Variants in BRWD1 observed in about 807,000 individuals in gnomAD.
The protein encoded by BRWD1 is bromodomain and WD repeat-containing protein 1.
Under a neutral mutation model 251.2 loss-of-function variants are expected in BRWD1, and 82 were observed. The ratio of observed to expected loss-of-function variants is 0.33; its 90% CI spans 0.27 to 0.39. The LOEUF (loss-of-function observed/expected upper bound fraction) is 0.39, where lower values mean the gene tolerates loss of function less well. Among genes scored for constraint, BRWD1 ranks in the 10% least tolerant of loss-of-function variants. The pLI, the probability that BRWD1 is intolerant of heterozygous loss-of-function variation, is 1.00. For missense variants in BRWD1, 2,233 were observed against 2,711.6 expected, an observed-to-expected ratio of 0.82 and a Z score of 3.92; for synonymous variants, 918 against 902.8, an observed-to-expected ratio of 1.02 and a Z score of -0.30.
At chr21:39,301,013 C>T (rs1032588137) in intron 4 of BRWD1, among the ~76,000 whole-genome samples, 1 of 152,086 alleles carries the variant, frequency 6.6e-6, no homozygotes, top group Non-Finnish European at 1.5e-5. Context: ...CCTGTCTCTA[C>T]TAAAAATACA....
upstream of BRWD1, chr21:39,314,065 G>T (rs940776187): frequency 6.6e-6 from 3 of 455,890 alleles, no homozygotes; most frequent in African/African-American, 2.0e-5. Flanking sequence ...CGCCCGCTCC[G>T]GGTCGCTCGG....
chr21:39,264,832 T>G (rs2034869277), intron 16 of BRWD1, 59 bp downstream of exon 16: 1 of 1,581,508 alleles, frequency 6.3e-7, no homozygotes, highest in Non-Finnish European at 8.6e-7. Flanking sequence ...TAACTACTTA[T>G]TTCCAAAACA....
At chr21:39,309,147 C>G (rs2146801837) in intron 4 of BRWD1, among the ~76,000 whole-genome samples, 1 of 152,052 alleles carries the variant, frequency 6.6e-6, no homozygotes, top group African/African-American at 2.4e-5. Flanking sequence ...GCACTCCAGC[C>G]TGGCGACAGA....
At chr21:39,276,963 G>A (rs957854224) in intron 11 of BRWD1, among the ~76,000 whole-genome samples, 4 of 152,014 alleles carry the variant, frequency 2.6e-5, no homozygotes, top group Non-Finnish European at 4.4e-5. Flanking sequence ...ATTGTACCTA[G>A]ACATTTTCAT....
At chr21:39,274,185 C>T (rs1023778932) in intron 13 of BRWD1, among the ~76,000 whole-genome samples, 189 bp downstream of exon 13, 1 of 152,128 alleles carries the variant, frequency 6.6e-6, no homozygotes, top group African/African-American at 2.4e-5. Context: ...GATAAATTTA[C>T]CTGGATGTCT....
At chr21:39,243,936 T>G (rs957638474) in intron 21 of BRWD1, among the ~76,000 whole-genome samples, 1 of 152,128 alleles carries the variant, frequency 6.6e-6, no homozygotes, top group African/African-American at 2.4e-5. Flanking sequence ...AAGTCTGAAA[T>G]TACATCAAAA....
intron 20 of BRWD1, among the ~76,000 whole-genome samples, chr21:39,249,733 G>A (rs2034325834): frequency 6.6e-6 from 1 of 152,030 alleles, no homozygotes; most frequent in Non-Finnish European, 1.5e-5. Context: ...ACTGATTTTG[G>A]CAAAAACTCG....
At chr21:39,306,218 C>T (rs2036283311) in intron 4 of BRWD1, among the ~76,000 whole-genome samples, 2 of 151,646 alleles carry the variant, frequency 1.3e-5, no homozygotes, top group Non-Finnish European at 2.9e-5. Context: ...TACAGGCGCC[C>T]GCCACCACGT....
At position 39,187,258 on chromosome 21, in the gene BRWD1, A is replaced by G. The variant is rs2031288805; in HGVS notation, c.*9001T>C. Reference sequence around the variant, plus strand: ...GATCGTTTCTTTTAGATTACTCATTATCTTTATTTTATTTGCAGCAACAGT... The same window carrying G: ...GATCGTTTCTTTTAGATTACTCATTGTCTTTATTTTATTTGCAGCAACAGT... On this transcript the variant is annotated 3_prime_UTR_variant, in exon 41 of 41. Coordinates refer to ENST00000342449, the MANE Select transcript of BRWD1 (RefSeq NM_033656.4). 1 of 1,613,842 alleles carries G rather than the reference A, an allele frequency of 6.2e-7. No individual in the cohort carries two copies. The highest frequency in any genetic ancestry group is 1.1e-5 in the South Asian group (1 of 91,044).
At chr21:39,306,437 T>C (rs573284693) in intron 4 of BRWD1, among the ~76,000 whole-genome samples, 1 of 152,240 alleles carries the variant, frequency 6.6e-6, no homozygotes, top group South Asian at 2.1e-4. Flanking sequence ...GTAATTTTCA[T>C]GTATACGAGT....
downstream of BRWD1, chr21:39,185,316 A>AC (rs2031165624): frequency 6.7e-6 from 1 of 149,868 alleles, no homozygotes; most frequent in East Asian, 1.9e-4. Flanking sequence ...AAAAAAAAAA[A>AC]AAAAAACTTT....
rs1601228771 is a variant in BRWD1, at chr21:39,194,593, C to T, written c.*1666G>A. Reference sequence around the variant, plus strand: ...TTGATAATGTCCAAAAACATCCTTCCCCATGCATCAGAGTAGAAAGAAAAT... The same window carrying T: ...TTGATAATGTCCAAAAACATCCTTCTCCATGCATCAGAGTAGAAAGAAAAT... On this transcript the variant is annotated 3_prime_UTR_variant, in exon 41 of 41. Coordinates refer to ENST00000342449, the MANE Select transcript of BRWD1 (RefSeq NM_033656.4). The T allele has an allele frequency of 4.7e-6, 7 of 1,484,940 alleles. No homozygotes were observed. The East Asian group carries it at 9.9e-5, about 21-fold the overall frequency. 92.0% of individuals were successfully genotyped at this position (1,484,940 alleles called of 1,614,324 possible).
rs757645311 is a variant in BRWD1 at position 39,255,733 on chromosome 21, C to T, written c.2167G>A (p.Ala723Thr). 8 of 1,614,138 alleles carry T rather than the reference C, an allele frequency of 5.0e-6. No homozygotes were observed. The highest frequency in any genetic ancestry group is 1.7e-5 in the Admixed American group (1 of 60,004). ...VEGVRQMHQN[A>T]PRSQIATERD... is the part of the protein sequence containing the mutation. The stretch of plus-strand genomic sequence containing the variant: ...TCTGTAGCAATCTGACTGCGTGGAG[C>T]GTTTTGATGCATCTGACGAACACCT... The change falls in exon 19 of 41, where the codon GCT (alanine) becomes ACT (threonine). Residue 723 changes from alanine to threonine, a missense_variant. By Grantham distance (58) the Ala-to-Thr change is moderately conservative. Transcript: ENST00000342449.
rs2031341447 is a variant in BRWD1, at chr21:39,187,992, T to C, written c.*8267A>G. ...GCACTTTGGAGAGTTAACTACTTCA[T>C]GCAGACTAAGGCAGTTTTTAGAGGG... On this transcript the variant is annotated 3_prime_UTR_variant, in exon 41 of 41. Coordinates refer to ENST00000342449, the MANE Select transcript of BRWD1 (RefSeq NM_033656.4). 1.0e-6 allele frequency: 1 copy of C among 985,230 alleles called. No individual in the cohort carries two copies. Among genetic ancestry groups the C allele is most frequent in the South Asian group, 4.7e-5 (1 of 21,288 alleles). 61.0% of individuals were successfully genotyped at this position (985,230 alleles called of 1,614,324 possible).
upstream of BRWD1, chr21:39,317,274 T>C (rs775553856): frequency 1.2e-4 from 19 of 152,376 alleles, no homozygotes; most frequent in Middle Eastern, 6.8e-3. Context: ...CACTGAGGTT[T>C]GCTTTTGGGT....
chr21:39,263,896 G>A (rs2034835124), intron 17 of BRWD1, among the ~76,000 whole-genome samples: 2 of 152,122 alleles, frequency 1.3e-5, no homozygotes, highest in African/African-American at 2.4e-5. Flanking sequence ...GCTCTATTAA[G>A]ACTAGAACAT....
chr21:39,261,371 T>C (rs1305063686), intron 17 of BRWD1, among the ~76,000 whole-genome samples: 2 of 152,184 alleles, frequency 1.3e-5, no homozygotes, highest in Non-Finnish European at 2.9e-5. Flanking sequence ...GGAGCCAGAA[T>C]ACACAGCAGA....
At chr21:39,301,532 G>C (rs1247197755) in intron 4 of BRWD1, among the ~76,000 whole-genome samples, 1 of 152,120 alleles carries the variant, frequency 6.6e-6, no homozygotes, top group East Asian at 1.9e-4. Context: ...CATGAGCTTG[G>C]AAGCCTATTC....
rs557288867 is a variant in BRWD1, at chr21:39,188,609, C to A, written c.*7650G>T. 4 of 985,414 alleles carry A rather than the reference C, an allele frequency of 4.1e-6. No homozygotes were observed. In the African/African-American group the frequency reaches 7.0e-5, roughly 17 times the overall value. The allele number at this position is 985,414 out of a possible 1,614,324, so 61.0% of individuals were successfully genotyped here. A position where few individuals can be genotyped will look rare whatever the true frequency, so the allele number is the denominator to read the frequency against. ...AGATGAGTACAGGTAAAAACTGCTTCTGTGGACTGACATGTTCATACAGCT... is the reference window on the plus strand; with the variant it reads ...AGATGAGTACAGGTAAAAACTGCTTATGTGGACTGACATGTTCATACAGCT... On this transcript the variant is annotated 3_prime_UTR_variant, in exon 41 of 41. Coordinates refer to ENST00000342449, the MANE Select transcript of BRWD1 (RefSeq NM_033656.4).
Sources: allele counts gnomAD v4.1 joint callset (sites outside exome capture counted in the v4.1 genomes callset), GRCh38; gene constraint gnomAD v4.1.1; transcripts MANE v1.5; gene names NCBI Gene and HGNC (gene_info 2026-07-23, HGNC 2026-07-21).